Variants in BMPER observed in about 807,000 individuals in gnomAD.
The protein encoded by BMPER is BMP binding endothelial regulator.
Under a neutral mutation model 87.3 loss-of-function variants are expected in BMPER, and 45 were observed. That is an observed-to-expected ratio of 0.52 (90% CI 0.41 to 0.66). The LOEUF is 0.66. BMPER is among the 30% of genes least tolerant of loss of function. The pLI is 0.00. For synonymous variants in BMPER, 326 were observed against 316.2 expected (o/e 1.03, Z -0.33); for missense variants, 784 against 867.5 (o/e 0.90, Z 1.21).
intron 1 of BMPER, among the ~76,000 whole-genome samples, chr7:33,906,192 G>C (rs1783813604): frequency 6.6e-6 from 1 of 152,122 alleles, no homozygotes; most frequent in Admixed American, 6.5e-5. Flanking sequence ...CATTTAAAAA[G>C]GGCACTAATA....
At chr7:33,986,225 A>G (rs1173205781) in intron 6 of BMPER, among the ~76,000 whole-genome samples, 2 of 152,162 alleles carry the variant, frequency 1.3e-5, no homozygotes, top group Non-Finnish European at 2.9e-5. Flanking sequence ...TTCTTGGCTC[A>G]GAAAGAGAAC....
At chr7:34,059,542 AG>A (rs1788377326) in intron 10 of BMPER, among the ~76,000 whole-genome samples, 1 of 148,870 alleles carries the variant, frequency 6.7e-6, no homozygotes, top group Non-Finnish European at 1.5e-5. Context: ...GCCTTGTCAA[AG>A]CTTGTTGGTG....
chr7:34,051,168 T>C (rs1301761464), intron 7 of BMPER, among the ~76,000 whole-genome samples: 2 of 152,180 alleles, frequency 1.3e-5, no homozygotes, highest in African/African-American at 4.8e-5. Context: ...AGGGCACTAA[T>C]CTAAGTCATG....
chr7:34,079,738 C>G (rs1445534339), intron 12 of BMPER, among the ~76,000 whole-genome samples: 2 of 152,206 alleles, frequency 1.3e-5, no homozygotes, highest in Admixed American at 6.5e-5. Context: ...TTGGCAGACT[C>G]TGGTATGCAG....
chr7:34,051,148 C>G (rs1304441496), intron 7 of BMPER, among the ~76,000 whole-genome samples: 1 of 152,118 alleles, frequency 6.6e-6, no homozygotes, highest in African/African-American at 2.4e-5. Context: ...TCTCTGGAGC[C>G]TCTTTTATAA....
intron 13 of BMPER, among the ~76,000 whole-genome samples, chr7:34,142,841 C>T (rs918917782): frequency 7.9e-5 from 12 of 152,158 alleles, no homozygotes; most frequent in African/African-American, 1.7e-4. Flanking sequence ...AGCCATTAGG[C>T]GCATTGGGCT....
intron 4 of BMPER, among the ~76,000 whole-genome samples, chr7:33,968,937 G>A (rs1455275994): frequency 6.6e-6 from 1 of 152,110 alleles, no homozygotes; most frequent in Non-Finnish European, 1.5e-5. Context: ...ATTGGTTTGG[G>A]GCCATGCATA....
chr7:34,047,199 C>T (rs2127958182), intron 7 of BMPER, among the ~76,000 whole-genome samples: 1 of 152,236 alleles, frequency 6.6e-6, no homozygotes, highest in East Asian at 1.9e-4. Flanking sequence ...GGGGACAACT[C>T]ATGATGGGTA....
chr7:33,929,931 A>G (rs902579731), intron 2 of BMPER, among the ~76,000 whole-genome samples: 2 of 152,354 alleles, frequency 1.3e-5, no homozygotes, highest in African/African-American at 4.8e-5. Context: ...TTAGAGATGG[A>G]TCAGCTTTGT....
intron 13 of BMPER, among the ~76,000 whole-genome samples, chr7:34,117,927 G>C (rs1411512691): frequency 1.3e-5 from 2 of 152,196 alleles, no homozygotes; most frequent in African/African-American, 4.8e-5. Context: ...AAATCCCTGA[G>C]AACTAAATTT....
intron 3 of BMPER, among the ~76,000 whole-genome samples, chr7:33,957,720 G>C (rs879364669): frequency 5.9e-5 from 9 of 152,114 alleles, no homozygotes; most frequent in African/African-American, 2.2e-4. Flanking sequence ...AGCAAAGGGT[G>C]CATGGAACCT....
At chr7:34,022,509 A>G (rs1175424981) in intron 6 of BMPER, among the ~76,000 whole-genome samples, 2 of 152,000 alleles carry the variant, frequency 1.3e-5, no homozygotes, top group African/African-American at 2.4e-5. Context: ...AGTTTTCTCT[A>G]TCAGGAAACT....
At chr7:34,028,601 G>GTTTTTTTTTTGTTTTT (rs1787427649) in intron 6 of BMPER, among the ~76,000 whole-genome samples, 1 of 36,054 alleles carries the variant, frequency 2.8e-5, no homozygotes, top group Non-Finnish European at 5.1e-5. Flanking sequence ...CATTTTTTCT[G>GTTTTTTTTTTGTTTTT]TTTTTTTTTT....
At chr7:34,113,247 C>T (rs1432663932) in intron 13 of BMPER, among the ~76,000 whole-genome samples, 1 of 151,612 alleles carries the variant, frequency 6.6e-6, no homozygotes, top group Non-Finnish European at 1.5e-5. Flanking sequence ...AGATATTAGC[C>T]TTTTATAGTA....
At chr7:33,951,958 CT>C (rs1363057090) in intron 3 of BMPER, among the ~76,000 whole-genome samples, 1 of 152,076 alleles carries the variant, frequency 6.6e-6, no homozygotes, top group African/African-American at 2.4e-5. Context: ...TTTATTGTTC[CT>C]TCTTTGAATT....
At chr7:33,988,730 G>A (rs1786094914) in intron 6 of BMPER, among the ~76,000 whole-genome samples, 1 of 150,706 alleles carries the variant, frequency 6.6e-6, no homozygotes, top group Admixed American at 6.6e-5. Context: ...TCGTCATCTA[G>A]CATTACGTAT....
intron 13 of BMPER, 146 bp downstream of exon 13, chr7:34,086,238 T>G: frequency 1.1e-6 from 1 of 906,072 alleles, no homozygotes. Context: ...GGAGCTGATC[T>G]CATCTTGAGT....
At chr7:33,948,902 G>A (rs1254354918) in intron 3 of BMPER, among the ~76,000 whole-genome samples, 1 of 152,106 alleles carries the variant, frequency 6.6e-6, no homozygotes, top group Non-Finnish European at 1.5e-5. Context: ...GAGATGAGTT[G>A]TGATGGCTCT....
intron 5 of BMPER, 150 bp from the exon 6 acceptor site, chr7:33,974,552 C>G (rs1210668189): frequency 7.5e-6 from 6 of 801,802 alleles, no homozygotes; most frequent in Admixed American, 2.0e-5. Context: ...CTGTTTTTTT[C>G]TTTTCACTAT....
Sources: gnomAD v4.1 joint callset for allele counts (sites outside exome capture counted in the v4.1 genomes callset) on GRCh38, gnomAD v4.1.1 for gene constraint, MANE v1.5 for transcripts, NCBI Gene and HGNC (gene_info 2026-07-23, HGNC 2026-07-21) for gene names.